Variants in PAIP2B observed in about 807,000 individuals in gnomAD.
PAIP2B encodes polyadenylate-binding protein-interacting protein 2B.
A neutral mutation model predicts 17.0 loss-of-function variants in PAIP2B; 13 were observed. The ratio of observed to expected loss-of-function variants is 0.76; its 90% confidence interval spans 0.50 to 1.22. PAIP2B has a LOEUF of 1.22. PAIP2B is among the 50% of genes most tolerant of loss of function. The pLI, the probability that PAIP2B is intolerant of heterozygous loss-of-function variation, is 0.00. For synonymous variants in PAIP2B, 43 were observed against 48.7 expected (o/e 0.88, Z 0.48); for missense variants, 117 against 144.5 (o/e 0.81, Z 0.98).
intron 1 of PAIP2B, among the ~76,000 whole-genome samples, chr2:71,213,152 G>A (rs577979653): frequency 5.9e-5 from 9 of 152,018 alleles, no homozygotes; most frequent in African/African-American, 2.2e-4. Flanking sequence ...TTCTCTTTAC[G>A]AGCTGTATAA....
At chr2:71,197,748 C>G (rs1674858157) in intron 2 of PAIP2B, among the ~76,000 whole-genome samples, 1 of 152,212 alleles carries the variant, frequency 6.6e-6, no homozygotes, top group African/African-American at 2.4e-5. Flanking sequence ...CAAGTCACAT[C>G]TTACATGGAT....
At chr2:71,197,865 C>T (rs1297123599) in intron 2 of PAIP2B, among the ~76,000 whole-genome samples, 2 of 152,314 alleles carry the variant, frequency 1.3e-5, no homozygotes, top group East Asian at 1.9e-4. Context: ...GAAAGACTCA[C>T]CCTCATAATT....
intron 1 of PAIP2B, among the ~76,000 whole-genome samples, chr2:71,222,761 G>A (rs1194028609): frequency 6.6e-6 from 1 of 152,196 alleles, no homozygotes; most frequent in Non-Finnish European, 1.5e-5. Context: ...TCAGTTGGTA[G>A]GTAGCAGAAC....
rs80129543 is a variant in PAIP2B, at chr2:71,195,723, C to T, written c.139-5702G>A. Among the ~76,000 whole-genome samples the T allele has an allele frequency of 1.3e-3, 199 of 152,338 alleles. 3 individuals are homozygous for T. In the East Asian group the frequency reaches 0.036, roughly 27 times the overall value. On this transcript the variant is annotated intron_variant, in intron 2 of 3. Transcript: ENST00000244221. ...GTGCAATCTCAGCTCCCTGCAACAT[C>T]TGCCTCCTGGGTTCATGCATTCTCC... is the stretch of plus-strand genomic sequence containing the variant.
chr2:71,222,341 C>A (rs571680253), intron 1 of PAIP2B, among the ~76,000 whole-genome samples: 3 of 152,134 alleles, frequency 2.0e-5, no homozygotes, highest in Admixed American at 6.5e-5. Flanking sequence ...CAGCTGAGGA[C>A]GGCATATAGG....
In PAIP2B at chr2:71,209,324, A is replaced by G. The variant is rs547644170; in HGVS notation, c.-11-6724T>C. 2.6e-5 allele frequency among the ~76,000 whole-genome samples: 4 copies of G among 152,326 alleles called. No homozygotes were observed. The East Asian group carries it at 5.8e-4, about 22-fold the overall frequency. On this transcript the variant is annotated intron_variant, in intron 1 of 3. Transcript: ENST00000244221. ...ATTAGAAACTCTAATTCACATTTAAATGTTCATAGAAAGGGTCTAGTGGAG... is the reference window on the plus strand; with the variant it reads ...ATTAGAAACTCTAATTCACATTTAAGTGTTCATAGAAAGGGTCTAGTGGAG...
At chr2:71,199,286 G>C (rs1199736276) in intron 2 of PAIP2B, among the ~76,000 whole-genome samples, 1 of 151,700 alleles carries the variant, frequency 6.6e-6, no homozygotes, top group African/African-American at 2.4e-5. Flanking sequence ...CAAATTGGAA[G>C]GGAAAAAAAG....
chr2:71,194,477 G>GTGTGTGTGTT (rs1353914507), intron 2 of PAIP2B, among the ~76,000 whole-genome samples: 1 of 151,732 alleles, frequency 6.6e-6, no homozygotes, highest in Non-Finnish European at 1.5e-5. Flanking sequence ...GTGTGTGTGT[G>GTGTGTGTGTT]TGTGTGTGTG....
intron 1 of PAIP2B, among the ~76,000 whole-genome samples, chr2:71,207,491 T>C (rs771392812): frequency 6.6e-5 from 10 of 152,098 alleles, no homozygotes; most frequent in African/African-American, 9.7e-5. Flanking sequence ...ATAGAAGCCA[T>C]TATAAGGAGT....
In PAIP2B at chr2:71,183,836, G is replaced by A. The variant is rs1558767852; in HGVS notation, c.*4643C>T. 1 of 152,200 alleles carries A rather than the reference G, an allele frequency of 6.6e-6. No individual in the cohort carries two copies. The highest frequency in any genetic ancestry group is 1.5e-5 in the Non-Finnish European group (1 of 68,034). 9.4% of individuals were successfully genotyped at this position (152,200 alleles called of 1,614,324 possible). On this transcript the variant is annotated 3_prime_UTR_variant, in exon 4 of 4. Coordinates refer to ENST00000244221, the MANE Select transcript of PAIP2B (RefSeq NM_020459.1). Reference sequence around the variant, plus strand: ...AGGGATAAAAATGTTCTAAAACTGAGTAATAGTTACAGCTACACCACTGAG... The same window carrying A: ...AGGGATAAAAATGTTCTAAAACTGAATAATAGTTACAGCTACACCACTGAG...
intron 1 of PAIP2B, among the ~76,000 whole-genome samples, chr2:71,226,319 A>T (rs1675722947): frequency 6.6e-6 from 1 of 152,178 alleles, no homozygotes; most frequent in Non-Finnish European, 1.5e-5. Flanking sequence ...AATGGAATTT[A>T]GGGGTTGGTA....
At chr2:71,200,978 C>A (rs1674965624) in intron 2 of PAIP2B, among the ~76,000 whole-genome samples, 1 of 150,660 alleles carries the variant, frequency 6.6e-6, no homozygotes, top group Non-Finnish European at 1.5e-5. Flanking sequence ...AGCTTCTCAA[C>A]TGTCTTTCCT....
At position 71,205,063 on chromosome 2, in the gene PAIP2B, G is replaced by GA. The variant is rs796391253; in HGVS notation, c.-11-2464dup. Among the ~76,000 whole-genome samples, 154 of 146,316 alleles carry GA rather than the reference G, an allele frequency of 1.1e-3. 1 individual carries two copies. The highest frequency in any genetic ancestry group is 2.9e-3 in the African/African-American group (115 of 39,942). ...AAGGGAAGGCAAAGGAAGAAAGAAAGAAAAAAAAAACCCTTCTAATTCAAG... is the reference window on the plus strand; with the variant it reads ...AAGGGAAGGCAAAGGAAGAAAGAAAGAAAAAAAAAAACCCTTCTAATTCAAG... On this transcript the variant is annotated intron_variant, in intron 1 of 3. Transcript: ENST00000244221.
intron 1 of PAIP2B, among the ~76,000 whole-genome samples, chr2:71,224,343 T>C (rs977680203): frequency 2.0e-5 from 3 of 152,372 alleles, no homozygotes; most frequent in Admixed American, 6.5e-5. Flanking sequence ...TATGTATATA[T>C]GTATATATTT....
At chr2:71,189,805 T>C in intron 3 of PAIP2B, 40 bp downstream of exon 3, 1 of 1,500,820 alleles carries the variant, frequency 6.7e-7, no homozygotes, top group Non-Finnish European at 9.0e-7. Flanking sequence ...TCCTATATTC[T>C]TTTCACTACA....
intron 1 of PAIP2B, among the ~76,000 whole-genome samples, chr2:71,217,138 A>C (rs59116183): frequency 0.13 from 20,175 of 152,122 alleles, 1,491 homozygotes; most frequent in South Asian, 0.29. Flanking sequence ...CTATATATAT[A>C]TATTTTAATT....
intron 2 of PAIP2B, among the ~76,000 whole-genome samples, chr2:71,198,615 G>A (rs1021771186): frequency 6.6e-6 from 1 of 151,972 alleles, no homozygotes; most frequent in Non-Finnish European, 1.5e-5. Flanking sequence ...TAGAGATGGG[G>A]TTTCATCATG....
rs1674519539 is a variant in PAIP2B, at chr2:71,185,671, T to A, written c.*2808A>T. The A allele has an allele frequency of 6.6e-6, 1 of 152,018 alleles. No individual in the cohort carries two copies. Among genetic ancestry groups the A allele is most frequent in the Non-Finnish European group, 1.5e-5 (1 of 68,016 alleles). The allele number at this position is 152,018 out of a possible 1,614,324, so 9.4% of individuals were successfully genotyped here. A position where few individuals can be genotyped will look rare whatever the true frequency, so the allele number is the denominator to read the frequency against. On this transcript the variant is annotated 3_prime_UTR_variant, in exon 4 of 4. Transcript: ENST00000244221. ...AGCCTTTCCTTAGGATCGTTTCTGG[T>A]TTCACCCTTATGTGATTCCCAAAAC... is the stretch of plus-strand genomic sequence containing the variant.
In PAIP2B at chr2:71,214,338, A is replaced by G. The variant is rs576587471; in HGVS notation, c.-11-11738T>C. Among the ~76,000 whole-genome samples, 13 of 152,326 alleles carry G rather than the reference A, an allele frequency of 8.5e-5. No homozygotes were observed. In the East Asian group the frequency reaches 2.5e-3, roughly 29 times the overall value. The stretch of plus-strand genomic sequence containing the variant: ...AAATATTAAAAATGGGGTTCGGAGA[A>G]CCATGCTGAAGAAAAATGCTATTCA... On this transcript the variant is annotated intron_variant, in intron 1 of 3. Transcript: ENST00000244221.
Sources: allele counts gnomAD v4.1 joint callset (sites outside exome capture counted in the v4.1 genomes callset), GRCh38; gene constraint gnomAD v4.1.1; transcripts MANE v1.5; gene names NCBI Gene and HGNC (gene_info 2026-07-23, HGNC 2026-07-21).